The following USP38 variants were observed in gnomAD, a reference collection of about 807,000 sequenced individuals.
USP38 encodes ubiquitin specific peptidase 38.
In USP38, 49 loss-of-function variants were observed where a neutral mutation model predicts 94.3. The observed-to-expected ratio is 0.52, with a 90% CI of 0.41 to 0.66. The LOEUF is 0.66. Among genes scored for constraint, USP38 ranks in the 30% least tolerant of loss-of-function variants. The probability of loss-of-function intolerance (pLI) is 0.00; values close to 1 mark genes in which losing one functional copy is unlikely to be tolerated. For missense variants in USP38, 1,128 were observed against 1,229.4 expected, an observed-to-expected ratio of 0.92 and a Z score of 1.23; for synonymous variants, 468 against 463.6, an observed-to-expected ratio of 1.01 and a Z score of -0.12.
Position 143,203,517 on chromosome 4 carries a change from A to G in USP38, c.1160A>G (p.His387Arg), listed in dbSNP as rs1008090326. ...GAATTGATACACTGTATGATGTATC[A>G]TTATTCTGGATTTCCAGATCTCTAT... ...LTELIHCMMY[H>R]YSGFPDLYEP... Residue 387 changes from histidine (H) to arginine (R), a missense_variant, in exon 5 of 10, where the codon CAT becomes CGT. Coordinates refer to ENST00000307017, the MANE Select transcript of USP38 (RefSeq NM_032557.6). 30 of 1,612,850 alleles carry G rather than the reference A, an allele frequency of 1.9e-5. No individual in the cohort carries two copies. Among genetic ancestry groups the G allele is most frequent in the Non-Finnish European group, 2.4e-5 (28 of 1,179,514 alleles).
intron 4 of USP38, among the ~76,000 whole-genome samples, chr4:143,201,581 T>G (rs1731715664): frequency 6.6e-6 from 1 of 152,156 alleles, no homozygotes; most frequent in Non-Finnish European, 1.5e-5. Context: ...GGAATCAGCA[T>G]CATCATAATT....
Position 143,185,195 on chromosome 4 carries a change from G to C in USP38, c.-256G>C, listed in dbSNP as rs1407898092. 1 of 402,324 alleles carries C rather than the reference G, an allele frequency of 2.5e-6. No homozygotes were observed. The highest frequency in any genetic ancestry group is 2.1e-5 in the African/African-American group (1 of 47,684). The allele number at this position is 402,324 out of a possible 1,614,324, so 24.9% of individuals were successfully genotyped here. A position where few individuals can be genotyped will look rare whatever the true frequency, so the allele number is the denominator to read the frequency against. ...GGATCGAGGGCCCGGGGCGGCGGCG[G>C]AGTACGGGCCTCTGGCGCCTTAGGC... On this transcript the variant is annotated 5_prime_UTR_variant, in exon 1 of 10. Transcript: ENST00000307017.
chr4:143,219,518 T>C (rs1194420389), intron 9 of USP38, among the ~76,000 whole-genome samples: 1 of 152,172 alleles, frequency 6.6e-6, no homozygotes, highest in East Asian at 1.9e-4. Flanking sequence ...AGGACGATTA[T>C]GCTAACAAGT....
chr4:143,207,065 T>G (rs1046059350), intron 6 of USP38, among the ~76,000 whole-genome samples: 3 of 152,252 alleles, frequency 2.0e-5, no homozygotes, highest in Non-Finnish European at 4.4e-5. Flanking sequence ...TTGTTAGTTA[T>G]GTGAATGCTA....
intron 6 of USP38, among the ~76,000 whole-genome samples, chr4:143,207,540 AAAG>A (rs1461986354): frequency 1.3e-4 from 19 of 151,664 alleles, no homozygotes; most frequent in Admixed American, 6.6e-4. Flanking sequence ...TCCATCTAAA[AAAG>A]AAAGAAAGAG....
chr4:143,191,472 G>A (rs1731394872), intron 2 of USP38, among the ~76,000 whole-genome samples: 1 of 152,122 alleles, frequency 6.6e-6, no homozygotes, highest in Admixed American at 6.5e-5. Flanking sequence ...TTAAAACATT[G>A]GAACAAATAA....
chr4:143,205,145 C>A (rs904823416), intron 5 of USP38, among the ~76,000 whole-genome samples: 10 of 152,256 alleles, frequency 6.6e-5, no homozygotes, highest in African/African-American at 2.2e-4. Context: ...TTGTTTAGTT[C>A]ATCAGAGTTT....
chr4:143,211,611 T>G (rs1365247541), intron 7 of USP38, among the ~76,000 whole-genome samples: 2 of 152,200 alleles, frequency 1.3e-5, no homozygotes. Flanking sequence ...TATGAAGTTA[T>G]GCCACAAATA....
At chr4:143,217,291 G>C (rs1732209640) in intron 9 of USP38, among the ~76,000 whole-genome samples, 1 of 152,162 alleles carries the variant, frequency 6.6e-6, no homozygotes, top group Non-Finnish European at 1.5e-5. Flanking sequence ...TTGAGATTAT[G>C]TATACAGCAG....
rs1218904380 is a variant in USP38, at chr4:143,215,940, ACT to A, written c.2967+1000_2967+1001del. 2.6e-5 allele frequency among the ~76,000 whole-genome samples: 4 copies of A among 152,238 alleles called. No individual in the cohort carries two copies. The South Asian group carries it at 8.3e-4, about 32-fold the overall frequency. On this transcript the variant is annotated intron_variant, in intron 9 of 9. Coordinates refer to ENST00000307017, the MANE Select transcript of USP38 (RefSeq NM_032557.6). ...TGTTTGAACTGATTAACTACTGAAG[ACT>A]CTAACATCTAGTCAGATGGCTTATG...
chr4:143,212,466 C>T, intron 8 of USP38, 42 bp downstream of exon 8: 3 of 1,388,892 alleles, frequency 2.2e-6, no homozygotes, highest in Non-Finnish European at 3.0e-6. Flanking sequence ...TGTTGTCTTT[C>T]ATAACAGTTT....
In USP38 at chr4:143,192,957, G is replaced by A. The variant is rs1347976961; in HGVS notation, c.819-2759G>A. On this transcript the variant is annotated intron_variant, in intron 2 of 9. Transcript: ENST00000307017. Reference sequence around the variant, plus strand: ...GTAATGAAGGATAATGAAAAGCCATGGCCAAGTGGAATTTTCTACTCTCTG... The same window carrying A: ...GTAATGAAGGATAATGAAAAGCCATAGCCAAGTGGAATTTTCTACTCTCTG... Among the ~76,000 whole-genome samples the A allele has an allele frequency of 2.0e-5, 3 of 152,140 alleles. No individual in the cohort carries two copies. The East Asian group carries it at 5.8e-4, about 29-fold the overall frequency.
intron 6 of USP38, among the ~76,000 whole-genome samples, chr4:143,206,583 G>A (rs1041767326): frequency 6.6e-6 from 1 of 152,054 alleles, no homozygotes; most frequent in Admixed American, 6.6e-5. Context: ...CCAGCTACTC[G>A]GGAGGCTGAG....
chr4:143,192,550 CTTTT>C (rs35416730), intron 2 of USP38, among the ~76,000 whole-genome samples: 6 of 103,396 alleles, frequency 5.8e-5, no homozygotes, highest in African/African-American at 1.1e-4. Flanking sequence ...TCCCATATTA[CTTTT>C]TTTTTTTTTT....
Position 143,214,575 on chromosome 4 carries a change from A to G in USP38, c.2599A>G (p.Ser867Gly), listed in dbSNP as rs767542424. 1.1e-4 allele frequency: 185 copies of G among 1,613,512 alleles called. No homozygotes were observed. Among genetic ancestry groups the G allele is most frequent in the Non-Finnish European group, 1.5e-4 (177 of 1,179,804 alleles). ...HYYSYARNITSTDSSYQMYHQ... is the reference protein window; with the variant it reads ...HYYSYARNITGTDSSYQMYHQ... Reference sequence around the variant, plus strand: ...CTATTCTTATGCCAGGAATATCACAAGTACAGACTCTTCATATCAGATGTA... The same window carrying G: ...CTATTCTTATGCCAGGAATATCACAGGTACAGACTCTTCATATCAGATGTA... The change falls in exon 9 of 10, where the codon AGT becomes GGT. Residue 867 changes from serine to glycine, a missense_variant. Transcript: ENST00000307017.
intron 3 of USP38, 102 bp downstream of exon 3, chr4:143,195,947 ATTG>A (rs1380191278): frequency 1.5e-5 from 17 of 1,131,572 alleles, no homozygotes; most frequent in Admixed American, 6.7e-5. Flanking sequence ...TGAATATGTT[ATTG>A]TTGTTTTGTT....
chr4:143,211,210 T>A (rs1208457684), intron 7 of USP38, among the ~76,000 whole-genome samples: 1 of 152,192 alleles, frequency 6.6e-6, no homozygotes, highest in Non-Finnish European at 1.5e-5. Context: ...CTGATTAAAT[T>A]TCTGTCACAG....
chr4:143,195,181 G>A (rs1238948005), intron 2 of USP38, among the ~76,000 whole-genome samples: 2 of 152,114 alleles, frequency 1.3e-5, no homozygotes, highest in East Asian at 1.9e-4. Flanking sequence ...CATTTCAGCT[G>A]CTCTTTTTAG....
chr4:143,212,212 T>C, intron 7 of USP38, 106 bp from the exon 8 acceptor site: 2 of 824,438 alleles, frequency 2.4e-6, no homozygotes, highest in East Asian at 3.0e-5. Context: ...GCTGATGCAA[T>C]GTTAACTGTA....
Sources: gnomAD v4.1 joint callset for allele counts (sites outside exome capture counted in the v4.1 genomes callset) on GRCh38, gnomAD v4.1.1 for gene constraint, MANE v1.5 for transcripts, NCBI Gene and HGNC (gene_info 2026-07-23, HGNC 2026-07-21) for gene names.